The following DPYD variants were observed in gnomAD, a reference collection of about 807,000 sequenced individuals.
The protein encoded by DPYD is dihydropyrimidine dehydrogenase [NADP(+)].
A neutral mutation model predicts 116.2 loss-of-function variants in DPYD; 109 were observed. The observed-to-expected ratio is 0.94, with a 90% CI of 0.80 to 1.10. The LOEUF (loss-of-function observed/expected upper bound fraction) is 1.10, where lower values mean the gene tolerates loss of function less well. Ranked by LOEUF, DPYD falls within the 50% of genes least tolerant of loss-of-function variation. The pLI is 0.00. For synonymous variants in DPYD, 440 were observed against 432.0 expected (o/e 1.02, Z -0.23); for missense variants, 1,302 against 1,254.5 (o/e 1.04, Z -0.57).
chr1:97,079,784 G>T lies in DPYD; in HGVS notation c.2908-638C>A, dbSNP rs144081533. ...CCTGGCCCTGACACTATTGAGCCCA[G>T]ATTACCACAGCCAGGCCTCCAGCTC... On this transcript the variant is annotated intron_variant, in intron 22 of 22. Transcript: ENST00000370192. Among the ~76,000 whole-genome samples the T allele has an allele frequency of 4.4e-3, 671 of 152,162 alleles. 3 individuals are homozygous for T. The highest frequency in any genetic ancestry group is 0.016 in the African/African-American group (646 of 41,512).
chr1:97,839,581 C>A (rs992379619), intron 2 of DPYD, among the ~76,000 whole-genome samples: 2 of 152,048 alleles, frequency 1.3e-5, no homozygotes, highest in African/African-American at 4.8e-5. Context: ...AAAAACTTCT[C>A]AATATTACAT....
At chr1:97,334,830 GA>G (rs1483143809) in intron 16 of DPYD, among the ~76,000 whole-genome samples, 5 of 152,036 alleles carry the variant, frequency 3.3e-5, no homozygotes, top group African/African-American at 7.2e-5. Context: ...TTTGTCCTTG[GA>G]GAACAAATAG....
rs1250514608 is a variant in DPYD at position 97,309,341 on chromosome 1, G to GTA, written c.2059-3045_2059-3044insTA. ...CAGTAGTTGCTTGTCTTGTGTGTGT[G>GTA]TGTGTGTGTGTGTGTGTGTGTGTGA... is the stretch of plus-strand genomic sequence containing the variant. On this transcript the variant is annotated intron_variant, in intron 16 of 22. Transcript: ENST00000370192. 2.7e-5 allele frequency among the ~76,000 whole-genome samples: 4 copies of GTA among 150,916 alleles called. No homozygotes were observed. In the East Asian group the frequency reaches 7.8e-4, roughly 30 times the overall value.
At chr1:97,708,175 ATTTAT>A (rs1200985223) in intron 5 of DPYD, among the ~76,000 whole-genome samples, 4 of 152,056 alleles carry the variant, frequency 2.6e-5, no homozygotes, top group Non-Finnish European at 4.4e-5. Context: ...CTTATCAATA[ATTTAT>A]TTTATAAATC....
At chr1:97,186,756 T>G (rs1425448739) in intron 20 of DPYD, among the ~76,000 whole-genome samples, 13 of 151,984 alleles carry the variant, frequency 8.6e-5, no homozygotes, top group African/African-American at 1.2e-4. Context: ...GGCTCAGCCA[T>G]GAGAATCGCT....
intron 20 of DPYD, among the ~76,000 whole-genome samples, chr1:97,111,555 T>TA (rs1360541459): frequency 3.9e-5 from 6 of 152,138 alleles, no homozygotes; most frequent in South Asian, 2.1e-4. Flanking sequence ...AGGACTCAGA[T>TA]AAAATGTCAC....
At chr1:97,367,482 A>G (rs142849159) in intron 16 of DPYD, among the ~76,000 whole-genome samples, 1 of 152,156 alleles carries the variant, frequency 6.6e-6, no homozygotes, top group South Asian at 2.1e-4. Context: ...CTCCCTGATG[A>G]CAAAACTAAT....
chr1:97,364,614 T>A (rs992927831), intron 16 of DPYD, among the ~76,000 whole-genome samples: 1 of 152,106 alleles, frequency 6.6e-6, no homozygotes, highest in Non-Finnish European at 1.5e-5. Context: ...AAAACAAAGT[T>A]AGGTATAAAA....
intron 12 of DPYD, chr1:97,546,083 T>TA (rs1464909725): frequency 5.0e-6 from 7 of 1,410,560 alleles, no homozygotes; most frequent in African/African-American, 1.4e-5. Context: ...GATCCTTAGT[T>TA]ACAGTGCTGG....
intron 18 of DPYD, among the ~76,000 whole-genome samples, chr1:97,266,584 G>A (rs750393918): frequency 4.6e-5 from 7 of 151,990 alleles, no homozygotes; most frequent in Non-Finnish European, 1.0e-4. Context: ...CAACGGGCAG[G>A]TTTGTTACAT....
chr1:97,509,315 G>A (rs920087756), intron 13 of DPYD, among the ~76,000 whole-genome samples: 13 of 152,008 alleles, frequency 8.6e-5, no homozygotes, highest in African/African-American at 2.9e-4. Context: ...GAGGCAGGCA[G>A]AGCCTTGAAA....
At chr1:97,633,444 A>C (rs1251026213) in intron 8 of DPYD, among the ~76,000 whole-genome samples, 1 of 152,046 alleles carries the variant, frequency 6.6e-6, no homozygotes, top group Non-Finnish European at 1.5e-5. Flanking sequence ...TGCAATTTTG[A>C]CTTTATTTTA....
At chr1:97,541,421 C>G (rs1650445356) in intron 12 of DPYD, among the ~76,000 whole-genome samples, 1 of 152,066 alleles carries the variant, frequency 6.6e-6, no homozygotes, top group African/African-American at 2.4e-5. Flanking sequence ...ACATAAAAAT[C>G]TGGAAAATTG....
At chr1:97,720,941 G>GA (rs780900265) in intron 5 of DPYD, 101 of 1,599,720 alleles carry the variant, frequency 6.3e-5, no homozygotes, top group South Asian at 9.1e-5. Context: ...GGGATAAACA[G>GA]AAAAAAAAGT....
intron 8 of DPYD, among the ~76,000 whole-genome samples, chr1:97,606,041 A>G (rs1191500763): frequency 6.6e-6 from 1 of 152,108 alleles, no homozygotes; most frequent in Non-Finnish European, 1.5e-5. Context: ...TAATCATTAT[A>G]TATCTAGTTC....
chr1:97,697,591 A>C (rs1661376011), intron 6 of DPYD, among the ~76,000 whole-genome samples: 1 of 152,084 alleles, frequency 6.6e-6, no homozygotes, highest in Non-Finnish European at 1.5e-5. Context: ...GTCTCTACAT[A>C]CTGAAAAGAT....
chr1:97,369,294 G>T (rs973914553), intron 16 of DPYD, among the ~76,000 whole-genome samples: 1 of 152,112 alleles, frequency 6.6e-6, no homozygotes, highest in East Asian at 1.9e-4. Flanking sequence ...ACCTTGAGTC[G>T]CAGGAGACAG....
chr1:97,672,362 C>A (rs1659915994), intron 8 of DPYD, among the ~76,000 whole-genome samples: 1 of 152,132 alleles, frequency 6.6e-6, no homozygotes, highest in Non-Finnish European at 1.5e-5. Context: ...TTATCTCCTT[C>A]TGGGGCTTTG....
intron 11 of DPYD, among the ~76,000 whole-genome samples, chr1:97,572,832 T>C (rs779713166): frequency 1.3e-5 from 2 of 152,034 alleles, no homozygotes; most frequent in African/African-American, 2.4e-5. Flanking sequence ...TTGAATCCTT[T>C]ACTTATCTGT....
Sources: allele counts gnomAD v4.1 joint callset (sites outside exome capture counted in the v4.1 genomes callset), GRCh38; gene constraint gnomAD v4.1.1; transcripts MANE v1.5; gene names NCBI Gene and HGNC (gene_info 2026-07-23, HGNC 2026-07-21).